Variants in MAGI1 observed in about 807,000 individuals in gnomAD.
MAGI1 encodes membrane associated guanylate kinase, WW and PDZ domain containing 1.
In MAGI1, 58 loss-of-function variants were observed where a neutral mutation model predicts 139.9. The observed-to-expected ratio is 0.41, with a 90% CI of 0.34 to 0.52. The LOEUF (loss-of-function observed/expected upper bound fraction) is 0.52, where lower values mean the gene tolerates loss of function less well. Ranked by LOEUF, MAGI1 falls within the 20% of genes least tolerant of loss-of-function variation. The pLI, the probability that MAGI1 is intolerant of heterozygous loss-of-function variation, is 0.12. For synonymous variants in MAGI1, 812 were observed against 737.9 expected, an observed-to-expected ratio of 1.10 and a Z score of -1.63; for missense variants, 1,874 against 1,901.6, an observed-to-expected ratio of 0.99 and a Z score of 0.27.
intron 1 of MAGI1, among the ~76,000 whole-genome samples, chr3:65,792,862 G>T (rs149049495): frequency 5.9e-5 from 9 of 152,232 alleles, no homozygotes; most frequent in Non-Finnish European, 1.0e-4. Context: ...ACCACGGAAA[G>T]CAAAACCATG....
At chr3:65,377,494 T>C (rs922574036) in intron 17 of MAGI1, among the ~76,000 whole-genome samples, 1 of 152,236 alleles carries the variant, frequency 6.6e-6, no homozygotes, top group Non-Finnish European at 1.5e-5. Flanking sequence ...ATATTCATTA[T>C]ATAACACATA....
intron 1 of MAGI1, among the ~76,000 whole-genome samples, chr3:65,975,518 G>A (rs1461980645): frequency 6.6e-6 from 1 of 152,124 alleles, no homozygotes; most frequent in Non-Finnish European, 1.5e-5. Context: ...CACTTTGGAA[G>A]GTGGAGGTGG....
chr3:65,585,907 T>C (rs1442314424), intron 2 of MAGI1, among the ~76,000 whole-genome samples: 2 of 152,002 alleles, frequency 1.3e-5, no homozygotes, highest in African/African-American at 2.4e-5. Flanking sequence ...AACAAAATAA[T>C]GACACAAGCA....
intron 1 of MAGI1, among the ~76,000 whole-genome samples, chr3:65,648,423 C>G (rs140392514): frequency 3.7e-4 from 57 of 152,212 alleles, no homozygotes; most frequent in African/African-American, 1.3e-3. Context: ...GTGGTGTGAG[C>G]CACTGCACCT....
intron 12 of MAGI1, among the ~76,000 whole-genome samples, chr3:65,405,406 G>C (rs966804263): frequency 6.6e-6 from 1 of 152,144 alleles, no homozygotes; most frequent in Admixed American, 6.5e-5. Flanking sequence ...AAGTAAAGCT[G>C]TAACAGAATA....
intron 2 of MAGI1, among the ~76,000 whole-genome samples, chr3:65,550,628 C>T (rs1236399026): frequency 6.6e-6 from 1 of 152,062 alleles, no homozygotes; most frequent in East Asian, 1.9e-4. Context: ...CTGGGATTGG[C>T]CCCCAGCATG....
At chr3:65,991,831 A>G (rs1205000838) in intron 1 of MAGI1, among the ~76,000 whole-genome samples, 2 of 152,092 alleles carry the variant, frequency 1.3e-5, no homozygotes, top group Non-Finnish European at 2.9e-5. Flanking sequence ...CCTGGCCAAC[A>G]TGGTGAAACC....
chr3:65,569,049 C>A (rs957192493), intron 2 of MAGI1, among the ~76,000 whole-genome samples: 2 of 152,116 alleles, frequency 1.3e-5, no homozygotes, highest in Non-Finnish European at 2.9e-5. Context: ...AACCCAAGTG[C>A]CTATAGATAG....
intron 1 of MAGI1, among the ~76,000 whole-genome samples, chr3:65,966,715 C>T (rs990467878): frequency 1.9e-4 from 29 of 152,150 alleles, no homozygotes; most frequent in Non-Finnish European, 2.5e-4. Context: ...GAGGCATCAG[C>T]TTGTTCATCT....
chr3:65,983,916 A>C (rs2107297731), intron 1 of MAGI1, among the ~76,000 whole-genome samples: 1 of 152,344 alleles, frequency 6.6e-6, no homozygotes, highest in East Asian at 1.9e-4. Flanking sequence ...ATGCATCTAA[A>C]GTACTTGAAG....
chr3:65,645,909 A>T (rs1027268343), intron 1 of MAGI1, among the ~76,000 whole-genome samples: 17 of 152,118 alleles, frequency 1.1e-4, no homozygotes, highest in Admixed American at 6.6e-5. Context: ...AAAAAGAGAT[A>T]TGCTCAAAAA....
chr3:65,654,350 G>A (rs2085748237), intron 1 of MAGI1, among the ~76,000 whole-genome samples: 1 of 152,148 alleles, frequency 6.6e-6, no homozygotes, highest in Non-Finnish European at 1.5e-5. Flanking sequence ...ATACAAAACT[G>A]AGGGCGTAAA....
chr3:65,459,546 T>A (rs544446039), intron 5 of MAGI1, among the ~76,000 whole-genome samples: 2 of 152,332 alleles, frequency 1.3e-5, no homozygotes, highest in South Asian at 4.1e-4. Flanking sequence ...AAGATAACCA[T>A]ATAATCTGCA....
intron 1 of MAGI1, among the ~76,000 whole-genome samples, chr3:65,984,294 A>G (rs896830941): frequency 4.6e-5 from 7 of 152,112 alleles, no homozygotes; most frequent in Non-Finnish European, 7.3e-5. Context: ...ACACCATCTA[A>G]AAACTATATA....
chr3:65,695,789 C>T lies in MAGI1; in HGVS notation c.314-73701G>A, dbSNP rs182243347. ...TCTCAGTTCCAGCTGCAGGCCATGT[C>T]GGGAAGTTGTCCCAGTCAACATCCA... On this transcript the variant is annotated intron_variant, in intron 1 of 22. Coordinates refer to ENST00000402939, the MANE Select transcript of MAGI1 (RefSeq NM_001033057.2). Among the ~76,000 whole-genome samples, 233 of 152,266 alleles carry T rather than the reference C, an allele frequency of 1.5e-3. 1 individual carries two copies. Among genetic ancestry groups the T allele is most frequent in the African/African-American group, 4.5e-3 (185 of 41,550 alleles).
At chr3:65,535,099 G>C (rs1015848637) in intron 2 of MAGI1, among the ~76,000 whole-genome samples, 2 of 152,010 alleles carry the variant, frequency 1.3e-5, no homozygotes, top group Admixed American at 1.3e-4. Flanking sequence ...GCTCCTTCTT[G>C]GTGGTGTTGT....
At position 65,411,084 on chromosome 3, in the gene MAGI1, C is replaced by A. The variant is rs866596984; in HGVS notation, c.2168-9614G>T. Among the ~76,000 whole-genome samples the A allele has an allele frequency of 2.0e-5, 3 of 152,296 alleles. No individual in the cohort carries two copies. The East Asian group carries it at 5.8e-4, about 29-fold the overall frequency. ...CTAATTTGTCAAGATGTACCTACCA[C>A]GAGGTCAATCTTTCTACCCTAGGTA... On this transcript the variant is annotated intron_variant, in intron 12 of 22. Transcript: ENST00000402939.
intron 2 of MAGI1, among the ~76,000 whole-genome samples, chr3:65,595,996 T>A (rs1199527957): frequency 6.6e-6 from 1 of 152,176 alleles, no homozygotes; most frequent in Non-Finnish European, 1.5e-5. Context: ...ATTAAACTGC[T>A]AAAGCTTTCA....
intron 2 of MAGI1, among the ~76,000 whole-genome samples, chr3:65,594,586 GAC>G (rs947010971): frequency 3.9e-5 from 6 of 152,166 alleles, no homozygotes; most frequent in Non-Finnish European, 8.8e-5. Flanking sequence ...AAAATGCTAT[GAC>G]AGTTTTTCTG....
Sources: allele counts gnomAD v4.1 joint callset (sites outside exome capture counted in the v4.1 genomes callset), GRCh38; gene constraint gnomAD v4.1.1; transcripts MANE v1.5; gene names NCBI Gene and HGNC (gene_info 2026-07-23, HGNC 2026-07-21).